The following PLCZ1 variants were observed in gnomAD, a reference collection of about 807,000 sequenced individuals.
PLCZ1 encodes the protein 1-phosphatidylinositol 4,5-bisphosphate phosphodiesterase zeta-1.
A neutral mutation model predicts 76.8 loss-of-function variants in PLCZ1; 64 were observed. That is an observed-to-expected ratio of 0.83 (90% confidence interval 0.68 to 1.03). The LOEUF is 1.03. PLCZ1 is among the 50% of genes least tolerant of loss of function. The pLI is 0.00. For synonymous variants in PLCZ1, 248 were observed against 230.8 expected, an observed-to-expected ratio of 1.07 and a Z score of -0.68; for missense variants, 751 against 713.7, an observed-to-expected ratio of 1.05 and a Z score of -0.60.
At chr12:18,653,098 C>G in the PLCZ1 span, among the ~76,000 whole-genome samples, 1 of 151,952 alleles carries the variant, frequency 6.6e-6, no homozygotes, top group Admixed American at 6.6e-5. Context: ...AAAGCACAGG[C>G]TGGAAAAAAA....
At chr12:18,690,747 G>T (rs1371706119) in intron 12 of PLCZ1, among the ~76,000 whole-genome samples, 1 of 152,056 alleles carries the variant, frequency 6.6e-6, no homozygotes, top group Non-Finnish European at 1.5e-5. Context: ...AATGAAATAG[G>T]CAGGTAAGGC....
At chr12:18,692,757 G>A in intron 12 of PLCZ1, 1 of 1,230,932 alleles carries the variant, frequency 8.1e-7, no homozygotes, top group South Asian at 1.2e-5. Flanking sequence ...CCCAGGCCAA[G>A]GCAAGATGGG....
chr12:18,708,308 A>T (rs1398368290), intron 6 of PLCZ1, among the ~76,000 whole-genome samples: 3 of 152,176 alleles, frequency 2.0e-5, no homozygotes, highest in Non-Finnish European at 4.4e-5. Flanking sequence ...TTCACTTAAC[A>T]TAATGTCCTC....
chr12:18,649,647 G>C, the PLCZ1 span, among the ~76,000 whole-genome samples: 1 of 152,048 alleles, frequency 6.6e-6, no homozygotes. Context: ...ATTACAAGCA[G>C]GTATTTGCTC....
At chr12:18,688,239 A>T in intron 12 of PLCZ1, 21 bp from the exon 13 acceptor site, 1 of 1,587,908 alleles carries the variant, frequency 6.3e-7, no homozygotes, top group South Asian at 1.1e-5. Context: ...ATATATGAAT[A>T]TAAGAATTTA....
chr12:18,668,537 T>TG, the PLCZ1 span, among the ~76,000 whole-genome samples: 2 of 152,152 alleles, frequency 1.3e-5, no homozygotes, highest in African/African-American at 4.8e-5. Flanking sequence ...GCAACCCTAG[T>TG]GCCCTTTGCC....
chr12:18,650,712 CTATATATATATATATATATATATATA>C, the PLCZ1 span, among the ~76,000 whole-genome samples: 254 of 14,604 alleles, frequency 0.017, 5 homozygotes, highest in South Asian at 0.042. Flanking sequence ...GTGTATATAT[CTATATATATATATATATATATATATA>C]TATATATATA....
chr12:18,673,996 A>T, the PLCZ1 span, among the ~76,000 whole-genome samples: 3 of 152,224 alleles, frequency 2.0e-5, no homozygotes, highest in South Asian at 6.2e-4. Flanking sequence ...ATTCTATTGG[A>T]TAAAAGCAGA....
At chr12:18,665,898 G>T in the PLCZ1 span, among the ~76,000 whole-genome samples, 1 of 148,534 alleles carries the variant, frequency 6.7e-6, no homozygotes, top group Non-Finnish European at 1.5e-5. Context: ...TCGCGCCATT[G>T]TACTCCAGCC....
chr12:18,669,379 A>G, the PLCZ1 span, among the ~76,000 whole-genome samples: 1 of 152,214 alleles, frequency 6.6e-6, no homozygotes, highest in Non-Finnish European at 1.5e-5. Context: ...CCTTTATAAT[A>G]AATTGGTGTG....
the PLCZ1 span, among the ~76,000 whole-genome samples, chr12:18,663,659 G>A: frequency 2.0e-5 from 3 of 151,564 alleles, no homozygotes; most frequent in African/African-American, 7.3e-5. Context: ...AAAAAACATA[G>A]GACAAAAGCT....
intron 12 of PLCZ1, among the ~76,000 whole-genome samples, chr12:18,689,770 T>C (rs925482896): frequency 2.0e-5 from 3 of 152,168 alleles, no homozygotes; most frequent in African/African-American, 7.2e-5. Flanking sequence ...ACTCTCAGAT[T>C]GCAGGTGACG....
intron 12 of PLCZ1, chr12:18,693,638 G>C: frequency 6.4e-7 from 1 of 1,564,686 alleles, no homozygotes. Flanking sequence ...TGATGAAATT[G>C]ACGCCATTGG....
At chr12:18,706,278 A>C (rs1026158391) in intron 6 of PLCZ1, among the ~76,000 whole-genome samples, 1 of 152,048 alleles carries the variant, frequency 6.6e-6, no homozygotes, top group Non-Finnish European at 1.5e-5. Context: ...AGCTATCTAT[A>C]CTGCTATAGA....
chr12:18,677,180 T>A, the PLCZ1 span, among the ~76,000 whole-genome samples: 1 of 152,094 alleles, frequency 6.6e-6, no homozygotes, highest in Non-Finnish European at 1.5e-5. Context: ...CAACAGCAGA[T>A]CCTGGTCAGG....
the PLCZ1 span, among the ~76,000 whole-genome samples, chr12:18,673,498 C>T: frequency 1.3e-5 from 2 of 152,124 alleles, no homozygotes; most frequent in East Asian, 1.9e-4. Flanking sequence ...AATGAACAAA[C>T]GAACAAGGCT....
chr12:18,728,973 T>C (rs1958901088), intron 3 of PLCZ1, among the ~76,000 whole-genome samples: 1 of 152,060 alleles, frequency 6.6e-6, no homozygotes, highest in Non-Finnish European at 1.5e-5. Flanking sequence ...AGCGGATTTG[T>C]AGGGCAGAAT....
At chr12:18,730,187 T>G (rs1764958626) in intron 3 of PLCZ1, among the ~76,000 whole-genome samples, 1 of 152,130 alleles carries the variant, frequency 6.6e-6, no homozygotes, top group Non-Finnish European at 1.5e-5. Context: ...TAGAAGATTT[T>G]GGTCACGTAG....
intron 5 of PLCZ1, among the ~76,000 whole-genome samples, chr12:18,717,714 G>T (rs1052613749): frequency 3.9e-5 from 6 of 152,096 alleles, no homozygotes; most frequent in Admixed American, 6.6e-5. Context: ...TTGGTTATTG[G>T]AATGAACATC....
Sources: allele counts gnomAD v4.1 joint callset (sites outside exome capture counted in the v4.1 genomes callset), GRCh38; gene constraint gnomAD v4.1.1; transcripts MANE v1.5; gene names NCBI Gene and HGNC (gene_info 2026-07-23, HGNC 2026-07-21).